AMBP: variants seen among roughly 807,000 people sequenced by gnomAD.
The protein encoded by AMBP is protein AMBP.
Under a neutral mutation model 46.3 loss-of-function variants are expected in AMBP, and 37 were observed. The ratio of observed to expected loss-of-function variants is 0.80; its 90% CI spans 0.61 to 1.05. The LOEUF is 1.05. Among genes scored for constraint, AMBP ranks in the 50% least tolerant of loss-of-function variants. The probability of loss-of-function intolerance (pLI) is 0.00; values close to 1 mark genes in which losing one functional copy is unlikely to be tolerated. For synonymous variants in AMBP, 174 were observed against 175.9 expected (o/e 0.99, Z 0.09); for missense variants, 475 against 461.2 (o/e 1.03, Z -0.27).
chr9:114,067,909 A>T (rs1444960096), intron 6 of AMBP, among the ~76,000 whole-genome samples: 1 of 152,226 alleles, frequency 6.6e-6, no homozygotes, highest in Non-Finnish European at 1.5e-5. Flanking sequence ...AAATGGCACT[A>T]ATTAAGAGAA....
In AMBP at chr9:114,060,260, C is replaced by T; in HGVS notation, c.1038G>A (p.Glu346=). The change falls in exon 10 of 10, where the codon GAG becomes GAA. Residue 346 remains glutamate, a synonymous_variant. Transcript: ENST00000265132. ...GTTGTCAGTTGGAGAAGCGCAGCAG[C>T]TCCTCATCACCTGTGGACACAGAGA... ...YCGVPGDGDE[E]LLRFSN 1 of 1,613,366 alleles carries T rather than the reference C, an allele frequency of 6.2e-7. No homozygotes were observed. Among genetic ancestry groups the T allele is most frequent in the Non-Finnish European group, 8.5e-7 (1 of 1,179,746 alleles).
At chr9:114,068,475 G>T (rs544838936) in intron 6 of AMBP, among the ~76,000 whole-genome samples, 1 of 151,938 alleles carries the variant, frequency 6.6e-6, no homozygotes, top group Admixed American at 6.5e-5. Context: ...GCGTGGTAGT[G>T]GGCACCTGTA....
At chr9:114,068,322 A>G (rs554574261) in intron 6 of AMBP, among the ~76,000 whole-genome samples, 1 of 152,286 alleles carries the variant, frequency 6.6e-6, no homozygotes, top group East Asian at 1.9e-4. Flanking sequence ...TCAAAAGTCC[A>G]GGCACAGTGA....
intron 6 of AMBP, among the ~76,000 whole-genome samples, chr9:114,068,503 G>A (rs1846713912): frequency 6.6e-6 from 1 of 151,904 alleles, no homozygotes; most frequent in African/African-American, 2.4e-5. Context: ...CTACTCAGGA[G>A]GCTGAGGCAA....
At chr9:114,071,166 C>T (rs961356155) in intron 5 of AMBP, among the ~76,000 whole-genome samples, 9 of 152,326 alleles carry the variant, frequency 5.9e-5, no homozygotes, top group South Asian at 2.1e-4. Flanking sequence ...CAGCAGCAGC[C>T]GCCCTGCTGT....
chr9:114,064,385 T>C (rs1588488370), intron 6 of AMBP, among the ~76,000 whole-genome samples: 1 of 152,054 alleles, frequency 6.6e-6, no homozygotes, highest in African/African-American at 2.4e-5. Context: ...ACTGGGAATA[T>C]TTAGAAACAA....
chr9:114,062,325 C>T (rs1296342050), intron 7 of AMBP, among the ~76,000 whole-genome samples: 1 of 152,188 alleles, frequency 6.6e-6, no homozygotes, highest in Non-Finnish European at 1.5e-5. Flanking sequence ...ACATGTCCCT[C>T]CCCGACTTCC....
intron 5 of AMBP, 124 bp from the exon 6 acceptor site, chr9:114,069,869 G>T: frequency 1.0e-6 from 1 of 953,564 alleles, no homozygotes; most frequent in Non-Finnish European, 1.7e-6. Context: ...TCCACTTCAT[G>T]AATGGTCCTG....
chr9:114,073,154 T>C, intron 4 of AMBP, 128 bp from the exon 5 acceptor site: 1 of 769,578 alleles, frequency 1.3e-6, no homozygotes, highest in Non-Finnish European at 2.0e-6. Context: ...TTTAATCTAT[T>C]TGATACACTG....
chr9:114,073,251 T>C (rs1018241947), intron 4 of AMBP, among the ~76,000 whole-genome samples: 132 of 133,342 alleles, frequency 9.9e-4, no homozygotes, highest in Middle Eastern at 7.9e-3. Flanking sequence ...ACTCTTCCCC[T>C]TTTTTTTTTT....
At chr9:114,068,832 A>C (rs954759876) in intron 6 of AMBP, among the ~76,000 whole-genome samples, 9 of 141,950 alleles carry the variant, frequency 6.3e-5, no homozygotes, top group African/African-American at 2.4e-4. Context: ...AAAAAAAAAA[A>C]CCTTTACTTA....
At position 114,076,039 on chromosome 9, in the gene AMBP, C is replaced by T. The variant is rs77398727; in HGVS notation, c.260+559G>A. 0.017 allele frequency among the ~76,000 whole-genome samples: 2,542 copies of T among 152,130 alleles called. 120 individuals carry two copies. In the East Asian group the frequency reaches 0.18, roughly 11 times the overall value. ...ACATCAAGAGTTTGAATCTTACTCCCAGGGCATTGGGGAGTCATGGAAGGG... is the reference window on the plus strand; with the variant it reads ...ACATCAAGAGTTTGAATCTTACTCCTAGGGCATTGGGGAGTCATGGAAGGG... On this transcript the variant is annotated intron_variant, in intron 2 of 9. Transcript: ENST00000265132.
chr9:114,077,251 G>C (rs1846823526), intron 1 of AMBP, among the ~76,000 whole-genome samples: 1 of 152,300 alleles, frequency 6.6e-6, no homozygotes, highest in Non-Finnish European at 1.5e-5. Flanking sequence ...GGCTCCTACG[G>C]AACAGGCCAA....
chr9:114,066,653 AAAGG>A (rs1846697560), intron 6 of AMBP, among the ~76,000 whole-genome samples: 1 of 152,228 alleles, frequency 6.6e-6, no homozygotes, highest in African/African-American at 2.4e-5. Flanking sequence ...CGGTCTGCAC[AAAGG>A]AATGACTGCT....
Position 114,060,999 on chromosome 9 carries a change from C to A in AMBP, c.953G>T (p.Gly318Val), listed in dbSNP as rs147002692. ...CTTGTTCCCGTTGCCCTGGCAGCCC[C>A]CGTAGGGGAAGAGGACGCACTTCCC... ...VKGKCVLFPYGGCQGNGNKFY... is the reference protein window; with the variant it reads ...VKGKCVLFPYVGCQGNGNKFY... Residue 318 changes from glycine (G) to valine (V), a missense_variant, in exon 9 of 10, where the codon GGG (glycine) becomes GTG (valine). This residue lies in a region of AMBP where 293 missense variants were observed against 276.9 expected (regional missense o/e 1.06). Transcript: ENST00000265132. The A allele has an allele frequency of 2.5e-6, 4 of 1,614,140 alleles. No homozygotes were observed. The highest frequency in any genetic ancestry group is 2.7e-5 in the African/African-American group (2 of 74,960).
intron 6 of AMBP, among the ~76,000 whole-genome samples, chr9:114,068,808 T>TAAAAAAAAAAAAAAA (rs34177397): frequency 1.0e-5 from 1 of 97,128 alleles, no homozygotes; most frequent in African/African-American, 4.1e-5. Context: ...GTGGTGAGAT[T>TAAAAAAAAAAAAAAA]AAAAAAAAAA....
intron 1 of AMBP, 85 bp from the exon 2 acceptor site, chr9:114,076,825 C>G (rs1333594798): frequency 2.0e-6 from 3 of 1,492,740 alleles, no homozygotes; most frequent in Non-Finnish European, 2.7e-6. Context: ...CACCCTCCAC[C>G]TCCTCCTCTT....
At chr9:114,063,781 T>C (rs911007248) in intron 6 of AMBP, among the ~76,000 whole-genome samples, 9 of 152,116 alleles carry the variant, frequency 5.9e-5, no homozygotes, top group East Asian at 5.8e-4. Flanking sequence ...AAGTAGAAAA[T>C]TGTTGAACAT....
At chr9:114,071,501 G>A (rs1400620715) in intron 5 of AMBP, among the ~76,000 whole-genome samples, 1 of 152,374 alleles carries the variant, frequency 6.6e-6, no homozygotes, top group African/African-American at 2.4e-5. Flanking sequence ...AACAGCCTGG[G>A]TGCCATGAAT....
Sources: allele counts gnomAD v4.1 joint callset (sites outside exome capture counted in the v4.1 genomes callset), GRCh38; gene constraint gnomAD v4.1.1; regional missense constraint gnomAD v4.1.1; transcripts MANE v1.5; gene names NCBI Gene and HGNC (gene_info 2026-07-23, HGNC 2026-07-21).